ADGRB1: variants seen among roughly 807,000 people sequenced by gnomAD.
The protein encoded by ADGRB1 is brain-specific angiogenesis inhibitor 1.
A neutral mutation model predicts 175.7 loss-of-function variants in ADGRB1; 36 were observed. The observed-to-expected ratio is 0.20, with a 90% CI of 0.16 to 0.27. The LOEUF (loss-of-function observed/expected upper bound fraction) is 0.27, where lower values mean the gene tolerates loss of function less well. ADGRB1 is among the 10% of genes least tolerant of loss of function. The pLI, the probability that ADGRB1 is intolerant of heterozygous loss-of-function variation, is 1.00. For synonymous variants in ADGRB1, 1,054 were observed against 979.4 expected (o/e 1.08, Z -1.42); for missense variants, 1,731 against 2,255.3 (o/e 0.77, Z 4.71).
rs1353804375 is a variant in ADGRB1 at position 142,464,681 on chromosome 8, G to C, written c.483G>C (p.Gly161=). ...PQHDGLRPRA[G]PPGPTDDFSV... ...ACGACGGGCTCCGGCCCCGGGCCGGGCCGCCGGGCCCCACCGACGACTTCT... is the reference window on the plus strand; with the variant it reads ...ACGACGGGCTCCGGCCCCGGGCCGGCCCGCCGGGCCCCACCGACGACTTCT... The change falls in exon 2 of 31, where the codon GGG becomes GGC. Residue 161 remains glycine (G), a synonymous_variant. Coordinates refer to ENST00000517894, the MANE Select transcript of ADGRB1 (RefSeq NM_001702.3). 2.0e-6 allele frequency: 3 copies of C among 1,525,930 alleles called. No homozygotes were observed. The highest frequency in any genetic ancestry group is 2.6e-6 in the Non-Finnish European group (3 of 1,142,350). 94.5% of individuals were successfully genotyped at this position (1,525,930 alleles called of 1,614,324 possible). A position where few individuals can be genotyped will look rare whatever the true frequency, so the allele number is the denominator to read the frequency against.
At chr8:142,456,328 C>T (rs1839680452) in intron 1 of ADGRB1, among the ~76,000 whole-genome samples, 2 of 152,168 alleles carry the variant, frequency 1.3e-5, no homozygotes, top group Admixed American at 1.3e-4. Flanking sequence ...CACACTTGCT[C>T]ACATACACCT....
intron 2 of ADGRB1, among the ~76,000 whole-genome samples, chr8:142,471,667 C>T (rs1419221961): frequency 1.3e-5 from 2 of 152,264 alleles, no homozygotes; most frequent in Non-Finnish European, 2.9e-5. Context: ...CGCTGCCCCA[C>T]GAGGCTCCTC....
At chr8:142,465,315 G>C in intron 2 of ADGRB1, among the ~76,000 whole-genome samples, 1 of 152,230 alleles carries the variant, frequency 6.6e-6, no homozygotes, top group East Asian at 1.9e-4. Context: ...ATTCCCTCCA[G>C]GATGGGAAAG....
At chr8:142,519,164 C>G (rs1843621494) in intron 19 of ADGRB1, among the ~76,000 whole-genome samples, 2 of 152,142 alleles carry the variant, frequency 1.3e-5, no homozygotes, top group Admixed American at 1.3e-4. Context: ...CTGGATTCCA[C>G]AAAACATCTG....
At chr8:142,472,295 C>T (rs1277284294) in intron 2 of ADGRB1, among the ~76,000 whole-genome samples, 3 of 152,200 alleles carry the variant, frequency 2.0e-5, no homozygotes, top group Admixed American at 2.0e-4. Flanking sequence ...CACCCTCTCC[C>T]CTGGGTGGCC....
chr8:142,533,430 C>T lies in ADGRB1; in HGVS notation c.3534C>T (p.Phe1178=), dbSNP rs773940546. 26 of 1,612,306 alleles carry T rather than the reference C, an allele frequency of 1.6e-5. No homozygotes were observed. The highest frequency in any genetic ancestry group is 1.7e-4 in the Middle Eastern group (1 of 6,056). ...LFAVFDSLEG[F]VIVMVHCILR... ...CTGTCTTCGACTCGCTGGAGGGCTT[C>T]GTCATCGTCATGGTGCACTGTATCC... Residue 1178 remains phenylalanine (F), a synonymous_variant, in exon 25 of 31, where the codon TTC becomes TTT. Transcript: ENST00000517894.
chr8:142,475,281 C>T (rs564704529), intron 2 of ADGRB1, among the ~76,000 whole-genome samples, 193 bp from the exon 3 acceptor site: 4 of 152,354 alleles, frequency 2.6e-5, no homozygotes, highest in Non-Finnish European at 4.4e-5. Context: ...CAGACGTGAC[C>T]TGAGCTCTCC....
chr8:142,541,983 C>T lies in ADGRB1; in HGVS notation c.3749C>T (p.Thr1250Met), dbSNP rs1361690449. The T allele has an allele frequency of 7.6e-6, 12 of 1,581,330 alleles. No homozygotes were observed. Among genetic ancestry groups the T allele is most frequent in the South Asian group, 1.1e-5 (1 of 87,424 alleles). The stretch of plus-strand genomic sequence containing the variant: ...GCGGCCTGCCGCACTGCCACCATCA[C>T]GGGCACACTGAAGCGGCCGTCTCTG... ...DIAACRTATITGTLKRPSLPE... is the reference protein window; with the variant it reads ...DIAACRTATIMGTLKRPSLPE... The change falls in exon 28 of 31, where the codon ACG becomes ATG. Residue 1250 changes from threonine to methionine, a missense_variant. Coordinates refer to ENST00000517894, the MANE Select transcript of ADGRB1 (RefSeq NM_001702.3).
rs1841862205 is a variant in ADGRB1, at chr8:142,489,165, G to A, written c.2528+55G>A. The A allele has an allele frequency of 1.0e-5, 16 of 1,551,544 alleles. No homozygotes were observed. In the Admixed American group the frequency reaches 2.8e-4, roughly 27 times the overall value. The stretch of plus-strand genomic sequence containing the variant: ...AGTGCAGGGCAGGTGGGGTGGGCAG[G>A]ACCCCAGCCACAGGATGTGAAGGGG... On this transcript the variant is annotated intron_variant, in intron 15 of 30. Transcript: ENST00000517894.
chr8:142,449,709 G>A lies in ADGRB1; in HGVS notation c.-615G>A, dbSNP rs946596264. The A allele has an allele frequency of 6.8e-6, 1 of 147,548 alleles. No homozygotes were observed. The highest frequency in any genetic ancestry group is 2.5e-5 in the African/African-American group (1 of 40,580). The allele number at this position is 147,548 out of a possible 1,614,324, so 9.1% of individuals were successfully genotyped here. The stretch of plus-strand genomic sequence containing the variant: ...GGCGGCGGCCGGAGAGGGAGCGGCG[G>A]GCGCAGGCGGCGGCGGCGGGCGCGG... On this transcript the variant is annotated 5_prime_UTR_variant, in exon 1 of 31. Transcript: ENST00000517894.
Position 142,464,778 on chromosome 8 carries a change from G to T in ADGRB1, c.580G>T (p.Asp194Tyr). 6.5e-7 allele frequency: 1 copy of T among 1,535,234 alleles called. No homozygotes were observed. The highest frequency in any genetic ancestry group is 8.7e-7 in the Non-Finnish European group (1 of 1,145,752). ...CTGCCAGATGCTGTGCCGCTGGCTG[G>T]ACGCGTGTCTGGCCGGTAGTCGCAG... ...AACQMLCRWL[D>Y]ACLAGSRSSH... The change falls in exon 2 of 31, where the codon GAC becomes TAC. Residue 194 changes from aspartate (D) to tyrosine (Y), a missense_variant. Transcript: ENST00000517894.
At position 142,544,182 on chromosome 8, in the gene ADGRB1, C is replaced by T. The variant is rs1011786734; in HGVS notation, c.4558-38C>T. ...CTCCTCGGGCTCATGGCTCTCCCTC[C>T]GGGCCCCACCCCTCCTGCACCACGG... On this transcript the variant is annotated intron_variant, in intron 30 of 30. Coordinates refer to ENST00000517894, the MANE Select transcript of ADGRB1 (RefSeq NM_001702.3). The T allele has an allele frequency of 1.6e-5, 24 of 1,544,024 alleles. No homozygotes were observed. In the African/African-American group the frequency reaches 2.6e-4, roughly 17 times the overall value.
At chr8:142,495,481 A>AT (rs1166682702) in intron 17 of ADGRB1, among the ~76,000 whole-genome samples, 1 of 152,152 alleles carries the variant, frequency 6.6e-6, no homozygotes, top group African/African-American at 2.4e-5. Flanking sequence ...AAAACAACAG[A>AT]TATCTATTAT....
rs146895200 is a variant in ADGRB1, at chr8:142,470,170, G to C, written c.784+5188G>C. 5.9e-3 allele frequency among the ~76,000 whole-genome samples: 898 copies of C among 151,824 alleles called. 9 individuals carry two copies. Among genetic ancestry groups the C allele is most frequent in the African/African-American group, 0.02 (830 of 41,366 alleles). On this transcript the variant is annotated intron_variant, in intron 2 of 30. Transcript: ENST00000517894. ...ACCTCGTGCTGCCCCACGCCCCACC[G>C]CCCCCCAGGCTGTCAGGCCCCTCTC...
chr8:142,520,451 GATGGTGGTGGTGGTGGTGGTGATGGTT>G, intron 19 of ADGRB1, among the ~76,000 whole-genome samples: 1 of 105,864 alleles, frequency 9.4e-6, no homozygotes, highest in African/African-American at 3.3e-5. Flanking sequence ...TGGTGATGGT[GATGGTGGTGGTGGTGGTGGTGATGGTT>G]GTGTGATAAT....
chr8:142,456,073 A>G (rs762849471), intron 1 of ADGRB1, among the ~76,000 whole-genome samples: 13 of 152,120 alleles, frequency 8.5e-5, no homozygotes, highest in African/African-American at 1.9e-4. Flanking sequence ...ATGGGATTTC[A>G]GAGCCCCGGG....
At chr8:142,539,256 G>A in intron 26 of ADGRB1, 118 bp from the exon 27 acceptor site, 1 of 1,056,824 alleles carries the variant, frequency 9.5e-7, no homozygotes, top group Non-Finnish European at 1.4e-6. Context: ...CTGTGGACAT[G>A]GACAGGGGTT....
rs1242239985 is a variant in ADGRB1 at position 142,510,713 on chromosome 8, C to T, written c.2676-219C>T. ...CCCTCGGGCTGCGCTCCGCGGCTCT[C>T]GGCGGCGGCGGCGGCGGGCGCAGAG... On this transcript the variant is annotated intron_variant, in intron 17 of 30. Coordinates refer to ENST00000517894, the MANE Select transcript of ADGRB1 (RefSeq NM_001702.3). The surrounding 1 kb of genome is among the most constrained non-coding windows in gnomAD (Gnocchi z 6.3). Among the ~76,000 whole-genome samples, 2 of 143,976 alleles carry T rather than the reference C, an allele frequency of 1.4e-5. No homozygotes were observed. Among genetic ancestry groups the T allele is most frequent in the Non-Finnish European group, 3.1e-5 (2 of 65,194 alleles). 94.5% of individuals were successfully genotyped at this position (143,976 alleles called of 152,430 possible).
At chr8:142,502,441 G>A (rs868518876) in intron 17 of ADGRB1, among the ~76,000 whole-genome samples, 1 of 60,210 alleles carries the variant, frequency 1.7e-5, no homozygotes, top group South Asian at 5.3e-4. Flanking sequence ...GGTGGTAGTG[G>A]TGGTGATGAT....
Sources: gnomAD v4.1 joint callset for allele counts (sites outside exome capture counted in the v4.1 genomes callset) on GRCh38, gnomAD v4.1.1 for gene constraint, Gnocchi (gnomAD v3.1) non-coding constraint, MANE v1.5 for transcripts, NCBI Gene and HGNC (gene_info 2026-07-23, HGNC 2026-07-21) for gene names.